Variants in TNC observed in about 807,000 individuals in gnomAD.
TNC encodes the protein tenascin C, also known as tenascin.
TNC carries 109 observed loss-of-function variants against 202.4 expected under a neutral mutation model. The observed-to-expected ratio is 0.54, with a 90% confidence interval of 0.46 to 0.63. The LOEUF is 0.63. TNC is among the 30% of genes least tolerant of loss of function. The pLI, the probability that TNC is intolerant of heterozygous loss-of-function variation, is 0.00. For missense variants in TNC, 2,756 were observed against 2,833.3 expected, an observed-to-expected ratio of 0.97 and a Z score of 0.62; for synonymous variants, 1,007 against 1,089.7, an observed-to-expected ratio of 0.92 and a Z score of 1.50.
At position 115,041,311 on chromosome 9, in the gene TNC, G is replaced by C. The variant is rs78768361; in HGVS notation, c.5249-227C>G. 0.13 allele frequency among the ~76,000 whole-genome samples: 18,575 copies of C among 146,508 alleles called. 1,573 individuals carry two copies. Among genetic ancestry groups the C allele is most frequent in the Middle Eastern group, 0.22 (62 of 284 alleles). ...GCCAAAAACAAAGCCAGGAGGGGCG[G>C]GGGAAAACATGAAGTCACAACGTAC... On this transcript the variant is annotated intron_variant, in intron 18 of 27. Coordinates refer to ENST00000350763, the MANE Select transcript of TNC (RefSeq NM_002160.4).
chr9:115,049,470 C>T (rs1183025444), intron 15 of TNC, among the ~76,000 whole-genome samples: 1 of 152,010 alleles, frequency 6.6e-6, no homozygotes, highest in East Asian at 1.9e-4. Flanking sequence ...ATGACTTATC[C>T]TAGGTCATAC....
At chr9:115,082,952 G>A (rs1239929376) in intron 4 of TNC, 145 bp from the exon 5 acceptor site, 1 of 610,840 alleles carries the variant, frequency 1.6e-6, no homozygotes. Context: ...AGCTTCTTCT[G>A]GGATGAGGTC....
At chr9:115,073,404 G>C (rs1284014843) in intron 10 of TNC, among the ~76,000 whole-genome samples, 199 bp downstream of exon 10, 1 of 152,190 alleles carries the variant, frequency 6.6e-6, no homozygotes, top group Non-Finnish European at 1.5e-5. Flanking sequence ...TTCCCAGTGG[G>C]GGAAATTTGC....
chr9:115,029,059 A>G (rs1456389760), intron 25 of TNC, among the ~76,000 whole-genome samples: 1 of 141,400 alleles, frequency 7.1e-6, no homozygotes, highest in Non-Finnish European at 1.5e-5. Context: ...AAAAAAAGGC[A>G]TGGACCACAG....
intron 1 of TNC, among the ~76,000 whole-genome samples, chr9:115,109,805 C>A (rs1009818656): frequency 3.9e-5 from 6 of 152,226 alleles, no homozygotes; most frequent in Non-Finnish European, 8.8e-5. Flanking sequence ...GTTGTGTCAT[C>A]ACACTGCATA....
chr9:115,046,590 T>C lies in TNC; in HGVS notation c.4945A>G (p.Asn1649Asp). The C allele has an allele frequency of 6.2e-7, 1 of 1,614,068 alleles. No individual in the cohort carries two copies. Among genetic ancestry groups the C allele is most frequent in the South Asian group, 1.1e-5 (1 of 91,080 alleles). ...SWTADEGVFD[N>D]FVLKIRDTKK... ...GTATCTCTGATTTTGAGAACAAAATTGTCGAAGACCCCTTCATCAGCTGTC... is the reference window on the plus strand; with the variant it reads ...GTATCTCTGATTTTGAGAACAAAATCGTCGAAGACCCCTTCATCAGCTGTC... The change falls in exon 17 of 28, where the codon AAT becomes GAT. Residue 1649 changes from asparagine (N) to aspartate (D), a missense_variant. Transcript: ENST00000350763.
chr9:115,116,443 A>G (rs1443143248), intron 1 of TNC, among the ~76,000 whole-genome samples: 2 of 152,174 alleles, frequency 1.3e-5, no homozygotes, highest in Admixed American at 6.5e-5. Flanking sequence ...GAAACTCTTC[A>G]CTTGGTTGTC....
In TNC at chr9:115,029,436, G is replaced by A. The variant is rs150281525; in HGVS notation, c.6093C>T (p.Asn2031=). ...AGTTTTGGTAGAAGTTCTCGCGTCC[G>A]TTTTTGCGTCTCAGGAACACCTATA... ...GGWIVFLRRK[N]GRENFYQNWK... Residue 2031 remains asparagine (N), a synonymous_variant, in exon 25 of 28, where the codon AAC becomes AAT. Coordinates refer to ENST00000350763, the MANE Select transcript of TNC (RefSeq NM_002160.4). 133 of 1,613,984 alleles carry A rather than the reference G, an allele frequency of 8.2e-5. No individual in the cohort carries two copies. The highest frequency in any genetic ancestry group is 7.2e-4 in the Admixed American group (43 of 59,998).
At chr9:115,048,739 T>G (rs1831408135) in intron 15 of TNC, among the ~76,000 whole-genome samples, 2 of 152,184 alleles carry the variant, frequency 1.3e-5, no homozygotes, top group Non-Finnish European at 2.9e-5. Context: ...AGGTAGGTAT[T>G]ATTCTAATTT....
At chr9:115,031,278 A>T (rs1829926906) in intron 23 of TNC, among the ~76,000 whole-genome samples, 1 of 152,226 alleles carries the variant, frequency 6.6e-6, no homozygotes, top group Non-Finnish European at 1.5e-5. Context: ...ATAGACGAAG[A>T]AGCTAAAGAT....
At chr9:115,115,653 T>C (rs917153497) in intron 1 of TNC, among the ~76,000 whole-genome samples, 4 of 152,230 alleles carry the variant, frequency 2.6e-5, no homozygotes, top group African/African-American at 9.6e-5. Flanking sequence ...ACACTATTTG[T>C]GGACTTGCTC....
intron 17 of TNC, among the ~76,000 whole-genome samples, 200 bp downstream of exon 17, chr9:115,046,210 C>A (rs957995380): frequency 6.6e-6 from 1 of 152,202 alleles, no homozygotes; most frequent in Non-Finnish European, 1.5e-5. Flanking sequence ...TCCTCACAAC[C>A]CTATTAAGTA....
intron 2 of TNC, 106 bp from the exon 3 acceptor site, chr9:115,087,379 C>T (rs1834850913): frequency 8.8e-7 from 1 of 1,137,930 alleles, no homozygotes; most frequent in Non-Finnish European, 1.2e-6. Flanking sequence ...CGGTTGCACC[C>T]TCAGGCTCCA....
intron 1 of TNC, among the ~76,000 whole-genome samples, chr9:115,092,039 A>C (rs1401926518): frequency 6.6e-6 from 1 of 152,226 alleles, no homozygotes; most frequent in African/African-American, 2.4e-5. Context: ...CCAAGTGTAT[A>C]CATACCATCA....
In TNC at chr9:115,086,580, C is replaced by T. The variant is rs1005016861; in HGVS notation, c.1151G>A (p.Arg384His). 1.5e-5 allele frequency: 25 copies of T among 1,613,996 alleles called. No individual in the cohort carries two copies. Among genetic ancestry groups the T allele is most frequent in the African/African-American group, 1.1e-4 (8 of 74,918 alleles). The part of the protein sequence containing the change: ...EKRCPADCHN[R>H]GRCVDGRCEC... ...ACACCGCCCGTCTACACAGCGGCCA[C>T]GATTGTGACAGTCAGCAGGACACCT... Residue 384 changes from arginine to histidine, a missense_variant, in exon 3 of 28, where the codon CGT becomes CAT. Coordinates refer to ENST00000350763, the MANE Select transcript of TNC (RefSeq NM_002160.4).
intron 18 of TNC, among the ~76,000 whole-genome samples, chr9:115,041,314 GAA>G (rs112092769): frequency 0.093 from 12,241 of 131,322 alleles, 780 homozygotes; most frequent in Middle Eastern, 0.17. Flanking sequence ...AGGGGCGGGG[GAA>G]AACATGAAGT....
intron 14 of TNC, among the ~76,000 whole-genome samples, chr9:115,059,119 ATT>A (rs1260475610): frequency 6.9e-6 from 1 of 144,702 alleles, no homozygotes; most frequent in East Asian, 2.0e-4. Context: ...TAATTGTGTA[ATT>A]TCTTTTTTTT....
chr9:115,111,962 G>GTTT (rs1441444110), intron 1 of TNC, among the ~76,000 whole-genome samples: 9 of 152,128 alleles, frequency 5.9e-5, no homozygotes, highest in Non-Finnish European at 1.3e-4. Flanking sequence ...AGACCATGAG[G>GTTT]CAGAAAATCC....
intron 10 of TNC, among the ~76,000 whole-genome samples, chr9:115,065,300 G>T (rs1219531395): frequency 1.3e-5 from 2 of 152,104 alleles, no homozygotes; most frequent in African/African-American, 4.8e-5. Context: ...GGAGGCTGAG[G>T]CAGGAGAATC....
Sources: allele counts gnomAD v4.1 joint callset (sites outside exome capture counted in the v4.1 genomes callset), GRCh38; gene constraint gnomAD v4.1.1; transcripts MANE v1.5; gene names NCBI Gene and HGNC (gene_info 2026-07-23, HGNC 2026-07-21).